Variants in MELTF observed in about 807,000 individuals in gnomAD.
MELTF encodes the protein antigen p97 (melanoma associated) identified by monoclonal antibodies 133.2 and 96.5.
In MELTF, 67 loss-of-function variants were observed where a neutral mutation model predicts 83.7. The ratio of observed to expected loss-of-function variants is 0.80; its 90% confidence interval spans 0.66 to 0.98. MELTF has a LOEUF of 0.98. Among genes scored for constraint, MELTF ranks in the 50% least tolerant of loss-of-function variants. The pLI is 0.00. For synonymous variants in MELTF, 462 were observed against 447.6 expected, an observed-to-expected ratio of 1.03 and a Z score of -0.41; for missense variants, 1,002 against 1,035.6, an observed-to-expected ratio of 0.97 and a Z score of 0.44.
intron 9 of MELTF, among the ~76,000 whole-genome samples, chr3:197,012,410 G>T (rs1458155746): frequency 1.3e-5 from 2 of 152,250 alleles, no homozygotes; most frequent in African/African-American, 4.8e-5. Context: ...GGCCCTCACT[G>T]TGTGGGGCAT....
At position 197,010,746 on chromosome 3, in the gene MELTF, C is replaced by T. The variant is rs773072645; in HGVS notation, c.1282G>A (p.Ala428Thr). 1.2e-6 allele frequency: 2 copies of T among 1,613,776 alleles called. No individual in the cohort carries two copies. Among genetic ancestry groups the T allele is most frequent in the Admixed American group, 1.7e-5 (1 of 60,030 alleles). ...VTLSGEDIYTAGKTYGLVPAA... is the reference protein window; with the variant it reads ...VTLSGEDIYTTGKTYGLVPAA... ...GGAACCAGGCCGTACGTCTTCCCCG[C>T]CGTGTAAATGTCCTCGCCACTCAGG... The change falls in exon 10 of 16, where the codon GCG (alanine) becomes ACG (threonine). Residue 428 changes from alanine to threonine, a missense_variant. Coordinates refer to ENST00000296350, the MANE Select transcript of MELTF (RefSeq NM_005929.6).
rs1719015885 is a variant in MELTF at position 197,007,355 on chromosome 3, C to T, written c.1751-619G>A. Among the ~76,000 whole-genome samples the T allele has an allele frequency of 6.6e-6, 1 of 152,214 alleles. No homozygotes were observed. The highest frequency in any genetic ancestry group is 2.4e-5 in the African/African-American group (1 of 41,446). ...TCGGGCTGCCTGAGAAAATGCTGCC[C>T]TCAGGAATCACATTTTCATGTCTCT... On this transcript the variant is annotated intron_variant, in intron 13 of 15. Coordinates refer to ENST00000296350, the MANE Select transcript of MELTF (RefSeq NM_005929.6). This position sits in a 1 kb window ranked among gnomAD's most constrained non-coding sequence, Gnocchi z 4.3.
rs146927315 is a variant in MELTF at position 197,008,866 on chromosome 3, C to T, written c.1625G>A (p.Arg542His). The T allele has an allele frequency of 6.7e-5, 108 of 1,614,012 alleles. No individual in the cohort carries two copies. The Middle Eastern group carries it at 9.9e-4, about 15-fold the overall frequency. ...CALCVGDEQG[R>H]NKCVGNSQER... ...CTGGCTGTTGCCCACACACTTGTTGCGGCCCTGCTCGTCCCCCACGCACAG... is the reference window on the plus strand; with the variant it reads ...CTGGCTGTTGCCCACACACTTGTTGTGGCCCTGCTCGTCCCCCACGCACAG... The change falls in exon 12 of 16, where the codon CGC (arginine) becomes CAC (histidine). Residue 542 changes from arginine (R) to histidine (H), a missense_variant. Arg to His is a conservative substitution (Grantham distance 29, BLOSUM62 0). Coordinates refer to ENST00000296350, the MANE Select transcript of MELTF (RefSeq NM_005929.6). This position sits in a 1 kb window ranked among gnomAD's most constrained non-coding sequence, Gnocchi z 5.4.
chr3:197,003,605 C>T lies in MELTF; in HGVS notation c.2138-154G>A. Reference sequence around the variant, plus strand: ...CTTTCCCCTGCTGCCCTTCCAGATGCGCTCTTTCCAGAAAGGCAGCACACG... The same window carrying T: ...CTTTCCCCTGCTGCCCTTCCAGATGTGCTCTTTCCAGAAAGGCAGCACACG... On this transcript the variant is annotated intron_variant, in intron 15 of 15. Transcript: ENST00000296350. This position sits in a 1 kb window ranked among gnomAD's most constrained non-coding sequence, Gnocchi z 6.2. The T allele has an allele frequency of 2.9e-6, 2 of 685,820 alleles. No homozygotes were observed. Among genetic ancestry groups the T allele is most frequent in the Non-Finnish European group, 4.5e-6 (2 of 444,912 alleles). The allele number at this position is 685,820 out of a possible 1,614,324, so 42.5% of individuals were successfully genotyped here. A position where few individuals can be genotyped will look rare whatever the true frequency, so the allele number is the denominator to read the frequency against.
At position 197,016,126 on chromosome 3, in the gene MELTF, G is replaced by A. The variant is rs576038610; in HGVS notation, c.1081+63C>T. On this transcript the variant is annotated intron_variant, in intron 8 of 15. Transcript: ENST00000296350. The stretch of plus-strand genomic sequence containing the variant: ...CTTCCCCCGGCCACTTTCCCAGAGA[G>A]CCTCGCCATGCCCGAGGTTGAGCTG... 3 of 1,387,038 alleles carry A rather than the reference G, an allele frequency of 2.2e-6. No individual in the cohort carries two copies. The Admixed American group carries it at 8.2e-5, about 38-fold the overall frequency. 85.9% of individuals were successfully genotyped at this position (1,387,038 alleles called of 1,614,324 possible). A position where few individuals can be genotyped will look rare whatever the true frequency, so the allele number is the denominator to read the frequency against.
intron 9 of MELTF, 84 bp from the exon 10 acceptor site, chr3:197,010,878 T>A: frequency 8.0e-7 from 1 of 1,253,210 alleles, no homozygotes. Flanking sequence ...TGGCAGGGCC[T>A]GGTCTCTTGG....
chr3:197,003,720 G>A lies in MELTF; in HGVS notation c.2137+181C>T. ...CAGGTCCGTCTGGGAGACCCGCCGG[G>A]CTCCCGCCCTCCCGGCCCGCAGCCT... On this transcript the variant is annotated intron_variant, in intron 15 of 15. Transcript: ENST00000296350. The surrounding 1 kb of genome is among the most constrained non-coding windows in gnomAD (Gnocchi z 6.2). 4 of 725,256 alleles carry A rather than the reference G, an allele frequency of 5.5e-6. No individual in the cohort carries two copies. Among genetic ancestry groups the A allele is most frequent in the South Asian group, 3.7e-5 (2 of 53,750 alleles). 44.9% of individuals were successfully genotyped at this position (725,256 alleles called of 1,614,324 possible). A position where few individuals can be genotyped will look rare whatever the true frequency, so the allele number is the denominator to read the frequency against.
In MELTF at chr3:197,009,844, CTCA is replaced by C. The variant is rs754277215; in HGVS notation, c.1331-35_1331-33del. 6 of 1,591,130 alleles carry C rather than the reference CTCA, an allele frequency of 3.8e-6. No homozygotes were observed. In the East Asian group the frequency reaches 9.0e-5, roughly 24 times the overall value. On this transcript the variant is annotated intron_variant, in intron 10 of 15. Transcript: ENST00000296350. ...AGAGAGGGACTCACGTGAGGGGCCC[CTCA>C]TCTGAGAGCCCGGGCAAGTGCCTGG...
At chr3:197,017,832 A>C (rs531671616) in intron 6 of MELTF, among the ~76,000 whole-genome samples, 22 of 152,110 alleles carry the variant, frequency 1.4e-4, no homozygotes, top group African/African-American at 2.9e-4. Flanking sequence ...AGCCGAGATC[A>C]CGCCACTGCA....
rs549198491 is a variant in MELTF at position 197,024,328 on chromosome 3, C to T, written c.462G>A (p.Ser154=). ...CTTTGAGTACATCGCAGCCCATCAC[C>T]GAGAGGCGGCCGCTCTCCACCAGGT... ...VGYLVESGRL[S]VMGCDVLKAV... Residue 154 remains serine, a synonymous_variant, in exon 4 of 16, where the codon TCG becomes TCA. Coordinates refer to ENST00000296350, the MANE Select transcript of MELTF (RefSeq NM_005929.6). The surrounding 1 kb of genome is among the most constrained non-coding windows in gnomAD (Gnocchi z 5.3). 5.0e-6 allele frequency: 8 copies of T among 1,584,698 alleles called. No homozygotes were observed. The Admixed American group carries it at 6.9e-5, about 14-fold the overall frequency.
chr3:197,006,089 C>G lies in MELTF; in HGVS notation c.1938+460G>C, dbSNP rs1718965802. Among the ~76,000 whole-genome samples, 1 of 152,012 alleles carries G rather than the reference C, an allele frequency of 6.6e-6. No homozygotes were observed. Among genetic ancestry groups the G allele is most frequent in the Non-Finnish European group, 1.5e-5 (1 of 68,008 alleles). On this transcript the variant is annotated intron_variant, in intron 14 of 15. Transcript: ENST00000296350. The surrounding 1 kb of genome is among the most constrained non-coding windows in gnomAD (Gnocchi z 5.4). ...AGAAAAAATTAGCCAGGCATGGTGG[C>G]GGGTGCCTGTAGTCCCAGCTACTCA...
chr3:197,021,285 G>A (rs1024761507), intron 6 of MELTF, 119 bp downstream of exon 6: 20 of 871,368 alleles, frequency 2.3e-5, no homozygotes, highest in Non-Finnish European at 3.2e-5. Flanking sequence ...GTCACCCAGA[G>A]ACTCAGAGCA....
chr3:197,020,656 T>G (rs979292070), intron 6 of MELTF, among the ~76,000 whole-genome samples: 9 of 151,860 alleles, frequency 5.9e-5, no homozygotes, highest in African/African-American at 1.9e-4. Context: ...ATAACACCAG[T>G]CTTTGTGGGT....
intron 2 of MELTF, 143 bp downstream of exon 2, chr3:197,027,613 T>G: frequency 1.8e-6 from 2 of 1,108,702 alleles, no homozygotes; most frequent in Non-Finnish European, 2.5e-6. Flanking sequence ...CAAGCTGGCC[T>G]CGTGGCCAGG....
Position 197,009,614 on chromosome 3 carries a change from G to A in MELTF, c.1525+4C>T. On this transcript the variant is annotated splice_donor_region_variant and intron_variant, in intron 11 of 15. Transcript: ENST00000296350. Reference sequence around the variant, plus strand: ...AGTCTGCGTTCCTAAAAAGGGGGGGGTACCTGTGAGGACGTCACAGTCCTT... The same window carrying A: ...AGTCTGCGTTCCTAAAAAGGGGGGGATACCTGTGAGGACGTCACAGTCCTT... 1 of 1,598,482 alleles carries A rather than the reference G, an allele frequency of 6.3e-7. No individual in the cohort carries two copies. The highest frequency in any genetic ancestry group is 1.1e-5 in the South Asian group (1 of 90,828).
At chr3:197,016,879 G>A (rs1280942055) in intron 7 of MELTF, among the ~76,000 whole-genome samples, 1 of 152,232 alleles carries the variant, frequency 6.6e-6, no homozygotes, top group African/African-American at 2.4e-5. Context: ...TTCTGAGGGT[G>A]CCTGAATCCC....
chr3:197,022,990 A>AG lies in MELTF; in HGVS notation c.610dup (p.Leu204ProfsTer58). 1 of 1,613,162 alleles carries AG rather than the reference A, an allele frequency of 6.2e-7. No homozygotes were observed. The highest frequency in any genetic ancestry group is 8.5e-7 in the Non-Finnish European group (1 of 1,179,872). On this transcript the variant is annotated frameshift_variant, in exon 5 of 16. Coordinates refer to ENST00000296350, the MANE Select transcript of MELTF (RefSeq NM_005929.6). LOFTEE classifies it high-confidence loss of function. The surrounding 1 kb of genome is among the most constrained non-coding windows in gnomAD (Gnocchi z 5.1). ...CCCGCTGTAGTCGTAGTATCTCTCCAGGGGGCTCTTGTCACACACCCCTTC... is the reference window on the plus strand; with the variant it reads ...CCCGCTGTAGTCGTAGTATCTCTCCAGGGGGGCTCTTGTCACACACCCCTTC...
Position 197,016,211 on chromosome 3 carries a change from C to G in MELTF, c.1059G>C (p.Lys353Asn). Residue 353 changes from lysine to asparagine, a missense_variant, in exon 8 of 16, where the codon AAG becomes AAC. By Grantham distance (94) the Lys-to-Asn change is moderately conservative. Transcript: ENST00000296350. ...WLGHEYLHAM[K>N]GLLCDPNRLP... is the part of the protein sequence containing the mutation. ...TACGGTTGGGGTCACAGAGCAGACC[C>G]TTCATGGCGTGCAGGTACTCATGGC... The G allele has an allele frequency of 6.3e-7, 1 of 1,581,654 alleles. No individual in the cohort carries two copies. Among genetic ancestry groups the G allele is most frequent in the Non-Finnish European group, 8.6e-7 (1 of 1,164,208 alleles).
At chr3:197,017,749 C>CAT (rs1719448431) in intron 6 of MELTF, among the ~76,000 whole-genome samples, 2 of 152,000 alleles carry the variant, frequency 1.3e-5, no homozygotes, top group Non-Finnish European at 2.9e-5. Flanking sequence ...TGGTGGCGGG[C>CAT]GCCTGTAATC....
Sources: gnomAD v4.1 joint callset for allele counts (sites outside exome capture counted in the v4.1 genomes callset) on GRCh38, gnomAD v4.1.1 for gene constraint, Gnocchi (gnomAD v3.1) non-coding constraint, MANE v1.5 for transcripts, NCBI Gene and HGNC (gene_info 2026-07-23, HGNC 2026-07-21) for gene names.